Variants in ZNF362 observed in about 807,000 individuals in gnomAD.
ZNF362 encodes the protein zinc finger protein 362, also known as rotund homolog.
ZNF362 carries 11 observed loss-of-function variants against 42.9 expected under a neutral mutation model. The observed-to-expected ratio is 0.26, with a 90% CI of 0.16 to 0.42. The LOEUF is 0.42. Ranked by LOEUF, ZNF362 falls within the 20% of genes least tolerant of loss-of-function variation. ZNF362 has a pLI of 1.00. For missense variants in ZNF362, 362 were observed against 576.2 expected, an observed-to-expected ratio of 0.63 and a Z score of 3.81; for synonymous variants, 255 against 257.3, an observed-to-expected ratio of 0.99 and a Z score of 0.09.
chr1:33,272,640 A>G (rs977488878), intron 2 of ZNF362, among the ~76,000 whole-genome samples: 3 of 151,962 alleles, frequency 2.0e-5, no homozygotes, highest in African/African-American at 7.3e-5. Flanking sequence ...TCTGGTATGC[A>G]CACTCAACCC....
At chr1:33,179,068 C>G in the ZNF362 span, among the ~76,000 whole-genome samples, 12 of 152,248 alleles carry the variant, frequency 7.9e-5, no homozygotes, top group Non-Finnish European at 1.2e-4. Context: ...AGTCACATAA[C>G]TTCTCCAGGC....
intron 2 of ZNF362, among the ~76,000 whole-genome samples, chr1:33,274,432 T>TA (rs1357203586): frequency 1.3e-5 from 2 of 152,228 alleles, no homozygotes; most frequent in East Asian, 3.8e-4. Context: ...TTCGAGTTTG[T>TA]TCTGGGAAAG....
At chr1:33,253,239 G>A (rs1271663820), upstream of ZNF362, among the ~76,000 whole-genome samples, 1 of 145,672 alleles carries the variant, frequency 6.9e-6, no homozygotes, top group Non-Finnish European at 1.5e-5. Flanking sequence ...CTGGATTTGG[G>A]GGGAAAGGGG....
At chr1:33,260,725 T>G (rs1253347290) in intron 1 of ZNF362, among the ~76,000 whole-genome samples, 3 of 152,140 alleles carry the variant, frequency 2.0e-5, no homozygotes, top group African/African-American at 7.2e-5. Context: ...AGTCCAGGTG[T>G]GGCAGCGCAT....
chr1:33,146,197 T>TA, the ZNF362 span: 1 of 257,106 alleles, frequency 3.9e-6, no homozygotes, highest in Non-Finnish European at 7.7e-6. Flanking sequence ...GGCCAGGTAG[T>TA]AAATCCTTGT....
In ZNF362 at chr1:33,281,550, G is replaced by A. The variant is rs1204241912; in HGVS notation, c.684-37G>A. On this transcript the variant is annotated intron_variant, in intron 5 of 8. Transcript: ENST00000539719. The surrounding 1 kb of genome is among the most constrained non-coding windows in gnomAD (Gnocchi z 4.8). Reference sequence around the variant, plus strand: ...GCCTCCCCTGAGATGGACAGTCTGGGGGATCTTCCCACGTGAACCTGTCTC... The same window carrying A: ...GCCTCCCCTGAGATGGACAGTCTGGAGGATCTTCCCACGTGAACCTGTCTC... 3 of 1,606,870 alleles carry A rather than the reference G, an allele frequency of 1.9e-6. No homozygotes were observed. The highest frequency in any genetic ancestry group is 4.5e-5 in the East Asian group (2 of 44,830).
chr1:33,140,090 AG>A, the ZNF362 span, among the ~76,000 whole-genome samples: 1 of 152,042 alleles, frequency 6.6e-6, no homozygotes, highest in Non-Finnish European at 1.5e-5. The surrounding 1 kb of genome is among the most constrained non-coding windows in gnomAD (Gnocchi z 4.0). Flanking sequence ...AGTGTGGCAG[AG>A]GGGGGTCCCT....
At chr1:33,132,518 C>T in the ZNF362 span, among the ~76,000 whole-genome samples, 1 of 152,206 alleles carries the variant, frequency 6.6e-6, no homozygotes, top group Admixed American at 6.5e-5. Flanking sequence ...TTCCTTCCAG[C>T]AAGTGCCTAG....
At chr1:33,219,068 A>G in the ZNF362 span, among the ~76,000 whole-genome samples, 464 of 152,078 alleles carry the variant, frequency 3.1e-3, no homozygotes, top group Non-Finnish European at 5.2e-3. Flanking sequence ...CCCCAAACAC[A>G]AATTATTTCC....
the ZNF362 span, among the ~76,000 whole-genome samples, chr1:33,238,678 G>T: frequency 6.6e-6 from 1 of 152,206 alleles, no homozygotes; most frequent in Admixed American, 6.5e-5. Flanking sequence ...TGGATTTGGA[G>T]ACAGGGCCTT....
At chr1:33,245,029 G>A in the ZNF362 span, among the ~76,000 whole-genome samples, 925 of 152,274 alleles carry the variant, frequency 6.1e-3, 18 homozygotes, top group East Asian at 0.084. Flanking sequence ...TAGTCTGGGT[G>A]AACTCAGGCT....
At chr1:33,218,932 T>TACAC in the ZNF362 span, among the ~76,000 whole-genome samples, 336 of 121,078 alleles carry the variant, frequency 2.8e-3, 4 homozygotes, top group African/African-American at 9.3e-3. Context: ...GAGCTGGACA[T>TACAC]ACACACACAC....
chr1:33,218,932 T>TACACACAC, the ZNF362 span, among the ~76,000 whole-genome samples: 47 of 121,084 alleles, frequency 3.9e-4, no homozygotes, highest in South Asian at 6.1e-4. Flanking sequence ...GAGCTGGACA[T>TACACACAC]ACACACACAC....
the ZNF362 span, among the ~76,000 whole-genome samples, chr1:33,243,115 T>A: frequency 7.3e-6 from 1 of 137,732 alleles, no homozygotes; most frequent in African/African-American, 2.8e-5. Context: ...GTTATTATGT[T>A]ATGTTATGTT....
At chr1:33,237,126 A>G in the ZNF362 span, among the ~76,000 whole-genome samples, 28 of 152,100 alleles carry the variant, frequency 1.8e-4, no homozygotes, top group Admixed American at 1.8e-3. Flanking sequence ...AAATATATAC[A>G]ATTATTTTTT....
At chr1:33,129,283 C>T in the ZNF362 span, among the ~76,000 whole-genome samples, 1 of 152,074 alleles carries the variant, frequency 6.6e-6, no homozygotes, top group Non-Finnish European at 1.5e-5. This position sits in a 1 kb window ranked among gnomAD's most constrained non-coding sequence, Gnocchi z 4.1. Flanking sequence ...TTCATCATAT[C>T]CCTCCTAACT....
At chr1:33,220,300 C>T in the ZNF362 span, among the ~76,000 whole-genome samples, 1 of 152,136 alleles carries the variant, frequency 6.6e-6, no homozygotes, top group African/African-American at 2.4e-5. Context: ...ATAATGATAG[C>T]AATAACAGCT....
the ZNF362 span, among the ~76,000 whole-genome samples, chr1:33,149,054 C>G: frequency 2.6e-5 from 4 of 152,212 alleles, no homozygotes; most frequent in Non-Finnish European, 2.9e-5. Flanking sequence ...GCAACCACCC[C>G]CAGAGGCTCA....
chr1:33,176,300 C>T, the ZNF362 span: 1 of 579,012 alleles, frequency 1.7e-6, no homozygotes, highest in African/African-American at 1.8e-5. Context: ...AAGAGGGTGT[C>T]ACCCCCTCTC....
Sources: gnomAD v4.1 joint callset for allele counts (sites outside exome capture counted in the v4.1 genomes callset) on GRCh38, gnomAD v4.1.1 for gene constraint, Gnocchi (gnomAD v3.1) non-coding constraint, MANE v1.5 for transcripts, NCBI Gene and HGNC (gene_info 2026-07-23, HGNC 2026-07-21) for gene names.